The following TYW1B variants were observed in gnomAD, a reference collection of about 807,000 sequenced individuals.
TYW1B encodes tRNA-yW synthesizing protein 1 homolog B, also known as S-adenosyl-L-methionine-dependent tRNA 4-demethylwyosine synthase TYW1B.
Under a neutral mutation model 86.9 loss-of-function variants are expected in TYW1B, and 73 were observed. The observed-to-expected ratio is 0.84, with a 90% CI of 0.70 to 1.02. TYW1B has a LOEUF of 1.02. Ranked by LOEUF, TYW1B falls within the 50% of genes least tolerant of loss-of-function variation. The pLI, the probability that TYW1B is intolerant of heterozygous loss-of-function variation, is 0.00. For synonymous variants in TYW1B, 248 were observed against 292.8 expected (o/e 0.85, Z 1.56); for missense variants, 637 against 827.4 (o/e 0.77, Z 2.82).
At chr7:72,808,418 C>T (rs1788536091) in intron 4 of TYW1B, among the ~76,000 whole-genome samples, 1 of 151,932 alleles carries the variant, frequency 6.6e-6, no homozygotes, top group South Asian at 2.1e-4. Context: ...CCAACCTAGG[C>T]AACACGGTGA....
intron 9 of TYW1B, among the ~76,000 whole-genome samples, chr7:72,723,462 A>G (rs1322529938): frequency 6.6e-6 from 1 of 152,038 alleles, no homozygotes; most frequent in Non-Finnish European, 1.5e-5. Flanking sequence ...CCATAGATAC[A>G]ATATTATTAA....
At chr7:72,774,201 C>T (rs34818495) in intron 7 of TYW1B, among the ~76,000 whole-genome samples, 102,102 of 151,774 alleles carry the variant, frequency 0.67, 35,193 homozygotes, top group Non-Finnish European at 0.75. Context: ...CTGTTTCTGC[C>T]AGTCAGACTA....
intron 8 of TYW1B, among the ~76,000 whole-genome samples, chr7:72,740,946 G>T (rs1787293579): frequency 6.6e-6 from 1 of 151,856 alleles, no homozygotes; most frequent in African/African-American, 2.4e-5. Context: ...TAGCCAGGAT[G>T]GTCTCAATCT....
At chr7:72,716,162 C>A (rs1483387022) in intron 9 of TYW1B, among the ~76,000 whole-genome samples, 1 of 152,192 alleles carries the variant, frequency 6.6e-6, no homozygotes, top group Non-Finnish European at 1.5e-5. Context: ...TGGTCTCGAT[C>A]TCCTGACCTC....
chr7:72,688,206 A>G (rs1344399123), intron 11 of TYW1B, among the ~76,000 whole-genome samples: 6 of 152,170 alleles, frequency 3.9e-5, no homozygotes, highest in African/African-American at 1.4e-4. Context: ...TTTCTTCAAT[A>G]TTTATTTTCT....
In TYW1B at chr7:72,786,580, T is replaced by C. The variant is rs1257464535; in HGVS notation, c.847-9047A>G. 1.1e-3 allele frequency among the ~76,000 whole-genome samples: 163 copies of C among 148,366 alleles called. 1 individual carries two copies. The highest frequency in any genetic ancestry group is 1.8e-3 in the Non-Finnish European group (121 of 66,900). ...GTTTTTAAATTCTTTTTTCTTTTTT[T>C]TTTTTTTTTTTTTGAGATAGGGTCT... On this transcript the variant is annotated intron_variant, in intron 6 of 13. Coordinates refer to ENST00000620995, the MANE Select transcript of TYW1B (RefSeq NM_001145440.3).
At position 72,796,488 on chromosome 7, in the gene TYW1B, G is replaced by A. The variant is rs542296042; in HGVS notation, c.846+5912C>T. On this transcript the variant is annotated intron_variant, in intron 6 of 13. Coordinates refer to ENST00000620995, the MANE Select transcript of TYW1B (RefSeq NM_001145440.3). The stretch of plus-strand genomic sequence containing the variant: ...TGACCTCAGGTGATCCACCCACCTC[G>A]GTCTCCCAAAGTGCTGGGATTACAG... Among the ~76,000 whole-genome samples the A allele has an allele frequency of 8.0e-5, 12 of 150,412 alleles. No individual in the cohort carries two copies. The South Asian group carries it at 2.1e-3, about 27-fold the overall frequency.
intron 2 of TYW1B, among the ~76,000 whole-genome samples, chr7:72,817,931 G>A (rs372550680): frequency 5.6e-4 from 85 of 152,126 alleles, no homozygotes; most frequent in African/African-American, 2.0e-3. Context: ...GCCAATCAGA[G>A]GCTAAAGCTT....
chr7:72,706,593 C>T (rs1424362076), intron 10 of TYW1B, among the ~76,000 whole-genome samples: 1 of 152,118 alleles, frequency 6.6e-6, no homozygotes, highest in Non-Finnish European at 1.5e-5. Flanking sequence ...CTCAGTCTAC[C>T]TTTATTTCAC....
chr7:72,794,238 C>A (rs1487933102), intron 6 of TYW1B, among the ~76,000 whole-genome samples: 1 of 152,014 alleles, frequency 6.6e-6, no homozygotes, highest in Non-Finnish European at 1.5e-5. Context: ...GGACAGGGCA[C>A]AGAGGAGGAA....
intron 13 of TYW1B, among the ~76,000 whole-genome samples, chr7:72,607,393 C>CAA (rs57281644): frequency 0.03 from 2,259 of 76,120 alleles, 93 homozygotes; most frequent in African/African-American, 0.096. Flanking sequence ...TTCTGTCTCT[C>CAA]AAAAAAAAAA....
intron 13 of TYW1B, among the ~76,000 whole-genome samples, chr7:72,606,784 G>A (rs1217414203): frequency 6.6e-6 from 1 of 151,916 alleles, no homozygotes; most frequent in East Asian, 1.9e-4. Context: ...GAAGCTGAGA[G>A]GGGAACTGGA....
chr7:72,708,984 T>C (rs1814678345), intron 10 of TYW1B, among the ~76,000 whole-genome samples: 1 of 152,164 alleles, frequency 6.6e-6, no homozygotes, highest in Admixed American at 6.5e-5. Context: ...AATGTGGGGC[T>C]AGGAGGGTTG....
chr7:72,595,689 T>A (rs1554432438), intron 13 of TYW1B, among the ~76,000 whole-genome samples: 1 of 151,480 alleles, frequency 6.6e-6, no homozygotes, highest in East Asian at 1.9e-4. Flanking sequence ...TCTCAAAAAA[T>A]AAATAAATAA....
At chr7:72,809,113 G>C (rs545099365) in intron 4 of TYW1B, among the ~76,000 whole-genome samples, 89 of 148,476 alleles carry the variant, frequency 6.0e-4, no homozygotes, top group Middle Eastern at 3.4e-3. Context: ...TGAGATCTCG[G>C]CTCACTGCAA....
intron 11 of TYW1B, among the ~76,000 whole-genome samples, chr7:72,629,775 CG>C (rs1394909492): frequency 6.6e-6 from 1 of 151,992 alleles, no homozygotes; most frequent in Non-Finnish European, 1.5e-5. Flanking sequence ...CTCGAACTCT[CG>C]GCCTTAAGTG....
chr7:72,596,135 C>T (rs1352410357), intron 13 of TYW1B, among the ~76,000 whole-genome samples: 2 of 125,726 alleles, frequency 1.6e-5, no homozygotes, highest in African/African-American at 3.1e-5. Context: ...AAGATCACAT[C>T]ATTGCACTCC....
intron 13 of TYW1B, among the ~76,000 whole-genome samples, chr7:72,607,392 T>C (rs1172659554): frequency 1.7e-5 from 1 of 58,356 alleles, no homozygotes; most frequent in Admixed American, 2.5e-4. Flanking sequence ...ATTCTGTCTC[T>C]CAAAAAAAAA....
chr7:72,720,214 TC>T (rs1348292276), intron 9 of TYW1B, among the ~76,000 whole-genome samples: 1 of 152,122 alleles, frequency 6.6e-6, no homozygotes, highest in African/African-American at 2.4e-5. Context: ...AGTGTTTGGC[TC>T]CAGCAACATG....
Sources: gnomAD v4.1 joint callset for allele counts (sites outside exome capture counted in the v4.1 genomes callset) on GRCh38, gnomAD v4.1.1 for gene constraint, MANE v1.5 for transcripts, NCBI Gene and HGNC (gene_info 2026-07-23, HGNC 2026-07-21) for gene names.